Variants in C8orf34 observed in about 807,000 individuals in gnomAD.
The protein encoded by C8orf34 is chromosome 8 open reading frame 34.
Under a neutral mutation model 68.3 loss-of-function variants are expected in C8orf34, and 65 were observed. The ratio of observed to expected loss-of-function variants is 0.95; its 90% CI spans 0.78 to 1.17. The LOEUF is 1.17. Ranked by LOEUF, C8orf34 falls within the 50% of genes most tolerant of loss-of-function variation. The pLI, the probability that C8orf34 is intolerant of heterozygous loss-of-function variation, is 0.00. For missense variants in C8orf34, 664 were observed against 655.4 expected (o/e 1.01, Z -0.14); for synonymous variants, 244 against 241.2 (o/e 1.01, Z -0.11).
intron 11 of C8orf34, among the ~76,000 whole-genome samples, chr8:68,779,042 T>C (rs1823599008): frequency 6.6e-6 from 1 of 152,022 alleles, no homozygotes; most frequent in Admixed American, 6.6e-5. Context: ...GCAGGCATAG[T>C]GGCACACACC....
chr8:68,372,571 T>A (rs1232377850), intron 1 of C8orf34, among the ~76,000 whole-genome samples: 1 of 152,150 alleles, frequency 6.6e-6, no homozygotes, highest in African/African-American at 2.4e-5. Flanking sequence ...CCTCTTCCTG[T>A]TTTCCCATTT....
At chr8:68,369,439 C>G (rs1264434452) in intron 1 of C8orf34, among the ~76,000 whole-genome samples, 1 of 152,216 alleles carries the variant, frequency 6.6e-6, no homozygotes, top group Non-Finnish European at 1.5e-5. Flanking sequence ...AAACCAGTCC[C>G]ACATTTTCTG....
chr8:68,574,703 T>C (rs1389946340), intron 7 of C8orf34, among the ~76,000 whole-genome samples: 1 of 152,048 alleles, frequency 6.6e-6, no homozygotes, highest in Non-Finnish European at 1.5e-5. Flanking sequence ...TTGAAACACA[T>C]GCATAAGAGG....
chr8:68,743,688 T>C (rs1431869966), intron 10 of C8orf34, among the ~76,000 whole-genome samples: 1 of 152,162 alleles, frequency 6.6e-6, no homozygotes, highest in East Asian at 1.9e-4. Context: ...GCTTAAAAAA[T>C]GGCACACCAG....
intron 1 of C8orf34, among the ~76,000 whole-genome samples, chr8:68,383,841 A>G (rs1808145807): frequency 6.6e-6 from 1 of 152,202 alleles, no homozygotes; most frequent in Admixed American, 6.5e-5. Flanking sequence ...CCAGGTGCTG[A>G]AAAAATACTC....
chr8:68,423,642 G>C (rs1253604074), intron 1 of C8orf34, among the ~76,000 whole-genome samples: 1 of 151,938 alleles, frequency 6.6e-6, no homozygotes, highest in Non-Finnish European at 1.5e-5. Flanking sequence ...TTCCAAAGTT[G>C]CTTCCACATT....
At chr8:68,702,793 T>G (rs1292993661) in intron 8 of C8orf34, among the ~76,000 whole-genome samples, 2 of 152,146 alleles carry the variant, frequency 1.3e-5, no homozygotes, top group East Asian at 3.9e-4. Flanking sequence ...GTGTTTTGGT[T>G]TTTTAAAGTA....
intron 1 of C8orf34, among the ~76,000 whole-genome samples, chr8:68,413,008 G>A (rs987979976): frequency 6.6e-6 from 1 of 152,078 alleles, no homozygotes; most frequent in African/African-American, 2.4e-5. Context: ...CTAATCCATA[G>A]CCCTACCTAA....
intron 4 of C8orf34, among the ~76,000 whole-genome samples, chr8:68,477,207 G>A (rs1041256063): frequency 2.0e-5 from 3 of 152,206 alleles, no homozygotes; most frequent in Non-Finnish European, 4.4e-5. Flanking sequence ...AGGGAATGAA[G>A]CTAGAAGTCT....
chr8:68,390,912 T>G (rs1808454917), intron 1 of C8orf34, among the ~76,000 whole-genome samples: 1 of 152,152 alleles, frequency 6.6e-6, no homozygotes, highest in African/African-American at 2.4e-5. Context: ...ACTTTCTTCT[T>G]CTTCAGGAAA....
intron 11 of C8orf34, among the ~76,000 whole-genome samples, chr8:68,779,941 TCAGA>T (rs1456631041): frequency 2.6e-5 from 4 of 152,136 alleles, no homozygotes; most frequent in Non-Finnish European, 4.4e-5. Context: ...ATCATGGCAC[TCAGA>T]CAGATGTAAA....
At chr8:68,754,611 G>T (rs115163678) in intron 10 of C8orf34, among the ~76,000 whole-genome samples, 2 of 152,184 alleles carry the variant, frequency 1.3e-5, no homozygotes, top group Middle Eastern at 3.2e-3. Flanking sequence ...GTGAATTAAC[G>T]TCTGAGCTAA....
chr8:68,444,435 C>T (rs1189263415), intron 2 of C8orf34, among the ~76,000 whole-genome samples: 1 of 152,010 alleles, frequency 6.6e-6, no homozygotes, highest in Non-Finnish European at 1.5e-5. Context: ...GATTACCTCT[C>T]CATTGTGAAT....
intron 7 of C8orf34, among the ~76,000 whole-genome samples, chr8:68,595,489 T>C (rs1022238804): frequency 2.0e-4 from 30 of 152,094 alleles, no homozygotes; most frequent in Admixed American, 1.8e-3. Context: ...TGTCTCTCAA[T>C]GCTTTTAGAA....
chr8:68,461,557 C>T (rs1347567278), intron 3 of C8orf34, among the ~76,000 whole-genome samples: 3 of 152,174 alleles, frequency 2.0e-5, no homozygotes, highest in African/African-American at 7.2e-5. Context: ...TCGGGTTACC[C>T]TCAAAGGGGA....
chr8:68,430,369 G>C (rs1437131251), intron 1 of C8orf34, among the ~76,000 whole-genome samples: 1 of 152,040 alleles, frequency 6.6e-6, no homozygotes, highest in Non-Finnish European at 1.5e-5. Flanking sequence ...TAATAAACCT[G>C]TAATAGAAAG....
At chr8:68,675,835 A>ATT (rs1820170883) in intron 8 of C8orf34, among the ~76,000 whole-genome samples, 1 of 152,194 alleles carries the variant, frequency 6.6e-6, no homozygotes, top group African/African-American at 2.4e-5. Context: ...TCAGTGATGT[A>ATT]TTGCCTACAA....
intron 10 of C8orf34, among the ~76,000 whole-genome samples, chr8:68,744,182 T>G (rs1430355763): frequency 6.6e-6 from 1 of 151,846 alleles, no homozygotes; most frequent in Admixed American, 6.6e-5. Context: ...TCCTGTCTGT[T>G]AGAAGGAAAA....
At chr8:68,799,778 G>A (rs1248770139) in intron 12 of C8orf34, among the ~76,000 whole-genome samples, 3 of 152,264 alleles carry the variant, frequency 2.0e-5, no homozygotes, top group East Asian at 1.9e-4. Flanking sequence ...GAAGTAAAAT[G>A]TTAAAGAAAC....
Sources: gnomAD v4.1 joint callset for allele counts (sites outside exome capture counted in the v4.1 genomes callset) on GRCh38, gnomAD v4.1.1 for gene constraint, MANE v1.5 for transcripts, NCBI Gene and HGNC (gene_info 2026-07-23, HGNC 2026-07-21) for gene names.